The following FUT8 variants were observed in gnomAD, a reference collection of about 807,000 sequenced individuals.
FUT8 encodes alpha-(1,6)-fucosyltransferase.
A neutral mutation model predicts 71.3 loss-of-function variants in FUT8; 29 were observed. The ratio of observed to expected loss-of-function variants is 0.41; its 90% CI spans 0.30 to 0.55. FUT8 has a LOEUF of 0.55. Among genes scored for constraint, FUT8 ranks in the 20% least tolerant of loss-of-function variants. FUT8 has a pLI of 0.34. For missense variants in FUT8, 544 were observed against 702.1 expected (o/e 0.77, Z 2.55); for synonymous variants, 254 against 239.3 (o/e 1.06, Z -0.57).
At chr14:65,429,885 AAAG>A (rs2065444983) in intron 1 of FUT8, among the ~76,000 whole-genome samples, 1 of 141,244 alleles carries the variant, frequency 7.1e-6, no homozygotes, top group Non-Finnish European at 1.6e-5. Context: ...AAAAAAAAAA[AAAG>A]ACTTACAAGA....
intron 7 of FUT8, among the ~76,000 whole-genome samples, chr14:65,708,709 T>C (rs1894676224): frequency 6.6e-6 from 1 of 152,190 alleles, no homozygotes; most frequent in Admixed American, 6.5e-5. Context: ...TTACTGAATT[T>C]GTTCATTAGT....
intron 7 of FUT8, among the ~76,000 whole-genome samples, chr14:65,701,043 A>T (rs1374132823): frequency 6.6e-6 from 1 of 152,178 alleles, no homozygotes; most frequent in Non-Finnish European, 1.5e-5. Context: ...AATCTTTTTA[A>T]TCTTTTATAA....
chr14:65,539,554 A>G lies in FUT8; in HGVS notation c.-227-21783A>G, dbSNP rs74058503. On this transcript the variant is annotated intron_variant, in intron 2 of 10. Coordinates refer to ENST00000673929, the MANE Select transcript of FUT8 (RefSeq NM_001371533.1). Reference sequence around the variant, plus strand: ...TATGTACGACTCTGGGCAAGTTACTAAATTTTTTGCTTCTTCTTTCTTATC... The same window carrying G: ...TATGTACGACTCTGGGCAAGTTACTGAATTTTTTGCTTCTTCTTTCTTATC... Among the ~76,000 whole-genome samples, 1,220 of 152,326 alleles carry G rather than the reference A, an allele frequency of 8.0e-3. 9 individuals are homozygous for G. Among genetic ancestry groups the G allele is most frequent in the African/African-American group, 0.024 (1,016 of 41,562 alleles).
intron 2 of FUT8, among the ~76,000 whole-genome samples, chr14:65,496,080 T>C (rs2066554030): frequency 6.6e-6 from 1 of 152,134 alleles, no homozygotes; most frequent in Non-Finnish European, 1.5e-5. Context: ...TAAATACTAA[T>C]TATGTTTATA....
chr14:65,428,508 A>C (rs2065422175), intron 1 of FUT8, among the ~76,000 whole-genome samples: 1 of 152,128 alleles, frequency 6.6e-6, no homozygotes, highest in Non-Finnish European at 1.5e-5. Flanking sequence ...GTAAGCAATA[A>C]ATTTCTGTCA....
At chr14:65,635,652 A>G (rs1292577560) in intron 6 of FUT8, among the ~76,000 whole-genome samples, 1 of 152,188 alleles carries the variant, frequency 6.6e-6, no homozygotes, top group Non-Finnish European at 1.5e-5. Flanking sequence ...ACTTGCGTAT[A>G]TTAAACCATC....
intron 7 of FUT8, among the ~76,000 whole-genome samples, chr14:65,709,637 A>G (rs950413481): frequency 1.3e-5 from 2 of 152,212 alleles, no homozygotes; most frequent in Non-Finnish European, 2.9e-5. Context: ...GTAAGAAGAA[A>G]AAAAGTTTCT....
intron 3 of FUT8, among the ~76,000 whole-genome samples, chr14:65,567,202 G>A (rs1325879451): frequency 6.6e-6 from 1 of 151,948 alleles, no homozygotes; most frequent in Non-Finnish European, 1.5e-5. Flanking sequence ...TCTAGGAAAG[G>A]AGAAGAGATT....
At chr14:65,587,720 T>C (rs536787693) in intron 3 of FUT8, among the ~76,000 whole-genome samples, 24 of 152,234 alleles carry the variant, frequency 1.6e-4, no homozygotes, top group Non-Finnish European at 2.8e-4. Flanking sequence ...TTTCTGGGGC[T>C]TAGAGTTGCA....
At chr14:65,633,411 C>T (rs1398416555) in intron 6 of FUT8, among the ~76,000 whole-genome samples, 3 of 152,224 alleles carry the variant, frequency 2.0e-5, no homozygotes, top group Non-Finnish European at 4.4e-5. Flanking sequence ...TCCCAAAGTG[C>T]CGAGATTGCA....
At position 65,597,186 on chromosome 14, in the gene FUT8, C is replaced by CA. The variant is rs534036078; in HGVS notation, c.204-18792_204-18791insA. On this transcript the variant is annotated intron_variant, in intron 3 of 10. Coordinates refer to ENST00000673929, the MANE Select transcript of FUT8 (RefSeq NM_001371533.1). ...CAGCTAGGAAAAGTTAAGAGTCACA[C>CA]GGTAAGACTCTTACTAAAGTCTGTC... 4.5e-3 allele frequency among the ~76,000 whole-genome samples: 474 copies of CA among 105,104 alleles called. 2 individuals are homozygous for CA. The highest frequency in any genetic ancestry group is 0.015 in the African/African-American group (430 of 29,548). 69.0% of individuals were successfully genotyped at this position (105,104 alleles called of 152,430 possible).
Position 65,432,708 on chromosome 14 carries a change from A to G in FUT8, c.-326+19494A>G, listed in dbSNP as rs546706034. Among the ~76,000 whole-genome samples, 24 of 152,312 alleles carry G rather than the reference A, an allele frequency of 1.6e-4. 1 individual carries two copies. The South Asian group carries it at 4.8e-3, about 30-fold the overall frequency. On this transcript the variant is annotated intron_variant, in intron 1 of 10. Coordinates refer to ENST00000673929, the MANE Select transcript of FUT8 (RefSeq NM_001371533.1). ...AAAACCCACCAAAACCAAAATGGCA[A>G]TGAGAGTGACCTCTGGTCATCCTCA...
chr14:65,406,739 T>C (rs542978904), upstream of FUT8, among the ~76,000 whole-genome samples: 22 of 152,302 alleles, frequency 1.4e-4, no homozygotes, highest in East Asian at 4.1e-3. Flanking sequence ...AGTTTCACCA[T>C]GTTGGCCAGG....
At chr14:65,674,279 G>A (rs533588079) in intron 7 of FUT8, among the ~76,000 whole-genome samples, 23 of 152,222 alleles carry the variant, frequency 1.5e-4, no homozygotes, top group Admixed American at 1.5e-3. Flanking sequence ...GGGGATCTGA[G>A]GGAGAGGAAG....
the FUT8 span, among the ~76,000 whole-genome samples, chr14:65,402,257 G>A: frequency 7.7e-6 from 1 of 130,346 alleles, no homozygotes; most frequent in East Asian, 2.2e-4. Flanking sequence ...AGGCTGGAAT[G>A]CTGTGCATGA....
In FUT8 at chr14:65,433,690, T is replaced by TC. The variant is rs529901289; in HGVS notation, c.-326+20477dup. Reference sequence around the variant, plus strand: ...CATTAAAAGCTGTCTTGAAGGTTTTTCACTATTTGTAATGTAAATCTTCAC... The same window carrying TC: ...CATTAAAAGCTGTCTTGAAGGTTTTTCCACTATTTGTAATGTAAATCTTCAC... On this transcript the variant is annotated intron_variant, in intron 1 of 10. Transcript: ENST00000673929. Among the ~76,000 whole-genome samples, 16 of 152,366 alleles carry TC rather than the reference T, an allele frequency of 1.1e-4. No individual in the cohort carries two copies. In the South Asian group the frequency reaches 3.3e-3, roughly 32 times the overall value.
chr14:65,372,749 T>C, the FUT8 span, among the ~76,000 whole-genome samples: 1 of 152,194 alleles, frequency 6.6e-6, no homozygotes, highest in African/African-American at 2.4e-5. Flanking sequence ...CTGTTCCTGT[T>C]TCATGGAGCA....
In FUT8 at chr14:65,710,704, A is replaced by G. The variant is rs181394430; in HGVS notation, c.836-11071A>G. ...GTGAAGAATCATGTCATCACTGTATACCCTTTCTAGCACAGTGTTCACGTA... is the reference window on the plus strand; with the variant it reads ...GTGAAGAATCATGTCATCACTGTATGCCCTTTCTAGCACAGTGTTCACGTA... On this transcript the variant is annotated intron_variant, in intron 7 of 10. Coordinates refer to ENST00000673929, the MANE Select transcript of FUT8 (RefSeq NM_001371533.1). 7.4e-4 allele frequency among the ~76,000 whole-genome samples: 112 copies of G among 152,204 alleles called. 1 individual carries two copies. Among genetic ancestry groups the G allele is most frequent in the Non-Finnish European group, 9.3e-4 (63 of 68,016 alleles).
chr14:65,505,769 AT>A (rs936999212), intron 2 of FUT8, among the ~76,000 whole-genome samples: 15 of 151,080 alleles, frequency 9.9e-5, no homozygotes, highest in Admixed American at 2.6e-4. Flanking sequence ...TTTTTGCTAT[AT>A]TTTTTTTCTA....
Sources: gnomAD v4.1 joint callset for allele counts (sites outside exome capture counted in the v4.1 genomes callset) on GRCh38, gnomAD v4.1.1 for gene constraint, MANE v1.5 for transcripts, NCBI Gene and HGNC (gene_info 2026-07-23, HGNC 2026-07-21) for gene names.